Variants in GTPBP4 observed in about 807,000 individuals in gnomAD.
GTPBP4 encodes the protein GTP binding protein 4, also known as GTP-binding protein 4.
GTPBP4 carries 15 observed loss-of-function variants against 81.7 expected under a neutral mutation model. That is an observed-to-expected ratio of 0.18 (90% CI 0.12 to 0.28). GTPBP4 has a LOEUF of 0.28. Ranked by LOEUF, GTPBP4 falls within the 10% of genes least tolerant of loss-of-function variation. The pLI, the probability that GTPBP4 is intolerant of heterozygous loss-of-function variation, is 1.00. For synonymous variants in GTPBP4, 272 were observed against 274.6 expected (o/e 0.99, Z 0.09); for missense variants, 847 against 793.8 (o/e 1.07, Z -0.81).
At chr10:1,000,532 C>T in intron 6 of GTPBP4, 145 bp from the exon 7 acceptor site, 1 of 453,168 alleles carries the variant, frequency 2.2e-6, no homozygotes, top group Non-Finnish European at 3.8e-6. Flanking sequence ...CCACCGCACC[C>T]AGCCCTACTT....
At chr10:1,016,002 G>A in intron 16 of GTPBP4, 106 bp downstream of exon 16, 1 of 1,031,400 alleles carries the variant, frequency 9.7e-7, no homozygotes, top group Non-Finnish European at 1.5e-6. Context: ...ACTATGGCAG[G>A]GGTTGTGTGT....
In GTPBP4 at chr10:1,014,424, A is replaced by G. The variant is rs941993922; in HGVS notation, c.1608+112A>G. 18 of 713,956 alleles carry G rather than the reference A, an allele frequency of 2.5e-5. No individual in the cohort carries two copies. In the Admixed American group the frequency reaches 3.0e-4, roughly 12 times the overall value. 44.2% of individuals were successfully genotyped at this position (713,956 alleles called of 1,614,324 possible). ...GTAATCCCAGCACTTTGGGAGGCCAAGGCGGGCAGATCATGATGTCAGGGG... is the reference window on the plus strand; with the variant it reads ...GTAATCCCAGCACTTTGGGAGGCCAGGGCGGGCAGATCATGATGTCAGGGG... On this transcript the variant is annotated intron_variant, in intron 15 of 16. Transcript: ENST00000360803.
chr10:1,012,379 A>C (rs1243199934), intron 13 of GTPBP4, 86 bp from the exon 14 acceptor site: 1 of 902,622 alleles, frequency 1.1e-6, no homozygotes, highest in Non-Finnish European at 1.7e-6. Context: ...CAGGGAAACA[A>C]AGCTCCCATA....
At chr10:990,918 C>T (rs537180438) in intron 1 of GTPBP4, among the ~76,000 whole-genome samples, 4 of 151,672 alleles carry the variant, frequency 2.6e-5, no homozygotes, top group South Asian at 2.1e-4. Context: ...TCAGGATGTG[C>T]GAACGGCATT....
chr10:997,023 G>C (rs1831548088), intron 4 of GTPBP4, 185 bp from the exon 5 acceptor site: 2 of 572,698 alleles, frequency 3.5e-6, no homozygotes, highest in East Asian at 6.0e-5. Context: ...TTGGGAGATA[G>C]CAATTGAATA....
chr10:1,019,738 C>T lies in GTPBP4; in HGVS notation c.*2511C>T, dbSNP rs1832057564. ...GGGTTCAGAGTGACGTTTTTCCTCA[C>T]AAGCAGAAGGTAACAAATTTCATGC... On this transcript the variant is annotated 3_prime_UTR_variant, in exon 17 of 17. Coordinates refer to ENST00000360803, the MANE Select transcript of GTPBP4 (RefSeq NM_012341.3). 5.6e-6 allele frequency: 9 copies of T among 1,613,990 alleles called. No individual in the cohort carries two copies. The highest frequency in any genetic ancestry group is 6.8e-6 in the Non-Finnish European group (8 of 1,180,016).
At chr10:994,272 G>A (rs780793049) in intron 2 of GTPBP4, among the ~76,000 whole-genome samples, 20 of 151,760 alleles carry the variant, frequency 1.3e-4, no homozygotes, top group Non-Finnish European at 2.4e-4. Flanking sequence ...TTGTTTGTTT[G>A]TTTGTTTGTT....
rs759161851 is a variant in GTPBP4, at chr10:1,012,537, G to A, written c.1417G>A (p.Glu473Lys). Reference protein sequence around the residue: ...AGEYDSVSESEDEEMLEIRQL... With the variant: ...AGEYDSVSESKDEEMLEIRQL... ...AGAGTATGACAGTGTATCTGAGAGT[G>A]AAGACGAAGAGATGCTGGAAATCCG... Residue 473 changes from glutamate to lysine, a missense_variant, in exon 14 of 17, where the codon GAA becomes AAA. This residue lies in a region of GTPBP4 where 600 missense variants were observed against 557.1 expected (regional missense o/e 1.08). Coordinates refer to ENST00000360803, the MANE Select transcript of GTPBP4 (RefSeq NM_012341.3). 3 of 1,612,914 alleles carry A rather than the reference G, an allele frequency of 1.9e-6. No individual in the cohort carries two copies. The highest frequency in any genetic ancestry group is 1.3e-5 in the African/African-American group (1 of 74,922).
intron 6 of GTPBP4, among the ~76,000 whole-genome samples, chr10:1,000,419 A>G (rs1333705924): frequency 6.6e-6 from 1 of 150,836 alleles, no homozygotes; most frequent in African/African-American, 2.4e-5. Flanking sequence ...TTGTACTTTT[A>G]GTAGAGATGG....
At chr10:1,005,495 CA>C (rs1831712420) in intron 8 of GTPBP4, among the ~76,000 whole-genome samples, 1 of 152,106 alleles carries the variant, frequency 6.6e-6, no homozygotes, top group South Asian at 2.1e-4. Flanking sequence ...TTCTGCTCCC[CA>C]GGGTGCCTGT....
intron 8 of GTPBP4, among the ~76,000 whole-genome samples, chr10:1,002,068 C>T (rs922095989): frequency 1.3e-5 from 2 of 152,014 alleles, no homozygotes; most frequent in East Asian, 1.9e-4. Flanking sequence ...GGATTACAGG[C>T]GTGCGCCACC....
chr10:1,007,027 A>G lies in GTPBP4; in HGVS notation c.1012A>G (p.Arg338Gly), dbSNP rs1239672473. The change falls in exon 10 of 17, where the codon AGG (arginine) becomes GGG (glycine). Residue 338 changes from arginine to glycine, a missense_variant. Arg to Gly is a moderately radical substitution (Grantham distance 125, BLOSUM62 -2). Transcript: ENST00000360803. ...VIKVKTEACD[R>G]LLAHRVETKM... is the part of the protein sequence containing the mutation. ...TTTTTTACGTTATTAGGCTTGCGATAGGCTTTTGGCTCATCGAGTGGAAAC... is the reference window on the plus strand; with the variant it reads ...TTTTTTACGTTATTAGGCTTGCGATGGGCTTTTGGCTCATCGAGTGGAAAC... The G allele has an allele frequency of 2.6e-5, 41 of 1,605,452 alleles. No individual in the cohort carries two copies. The highest frequency in any genetic ancestry group is 3.3e-5 in the Non-Finnish European group (39 of 1,172,160).
intron 1 of GTPBP4, among the ~76,000 whole-genome samples, chr10:991,283 A>G (rs992969727): frequency 6.6e-6 from 1 of 152,256 alleles, no homozygotes; most frequent in African/African-American, 2.4e-5. Context: ...CAACCTTTGT[A>G]TGAAATAATA....
At position 995,868 on chromosome 10, in the gene GTPBP4, A is replaced by T; in HGVS notation, c.220-61A>T. Reference sequence around the variant, plus strand: ...GGAGAGGGAAAGAAATTGTTCTTCAAGTGGTAGGGATGAAAAACTGCTGGC... The same window carrying T: ...GGAGAGGGAAAGAAATTGTTCTTCATGTGGTAGGGATGAAAAACTGCTGGC... On this transcript the variant is annotated intron_variant, in intron 2 of 16. Transcript: ENST00000360803. 3.3e-6 allele frequency: 3 copies of T among 920,152 alleles called. No individual in the cohort carries two copies. In the South Asian group the frequency reaches 4.2e-5, roughly 13 times the overall value. The allele number at this position is 920,152 out of a possible 1,614,324, so 57.0% of individuals were successfully genotyped here.
At chr10:1,008,139 G>T in intron 10 of GTPBP4, 1 of 454,404 alleles carries the variant, frequency 2.2e-6, no homozygotes, top group Non-Finnish European at 4.4e-6. Context: ...CTTGCTGGGT[G>T]CAGTGGCTCA....
At position 1,014,298 on chromosome 10, in the gene GTPBP4, G is replaced by T; in HGVS notation, c.1594G>T (p.Asp532Tyr). ...GATGCGTAGTCTTGGTGTTGACATGGACGATAAAGACGATGTGAGTGTGGG... is the reference window on the plus strand; with the variant it reads ...GATGCGTAGTCTTGGTGTTGACATGTACGATAAAGACGATGTGAGTGTGGG... ...KEMRSLGVDMDDKDDAHYAVQ... is the reference protein window; with the variant it reads ...KEMRSLGVDMYDKDDAHYAVQ... Residue 532 changes from aspartate (D) to tyrosine (Y), a missense_variant, in exon 15 of 17, where the codon GAC becomes TAC. Around this residue, in one of 3 missense-constraint regions of GTPBP4, gnomAD observed 600 missense variants for 557.1 expected, o/e 1.08. Coordinates refer to ENST00000360803, the MANE Select transcript of GTPBP4 (RefSeq NM_012341.3). 4 of 1,607,150 alleles carry T rather than the reference G, an allele frequency of 2.5e-6. No homozygotes were observed. The highest frequency in any genetic ancestry group is 3.4e-6 in the Non-Finnish European group (4 of 1,173,896).
intron 10 of GTPBP4, 167 bp from the exon 11 acceptor site, chr10:1,008,791 G>A (rs939022364): frequency 9.1e-6 from 6 of 658,418 alleles, no homozygotes; most frequent in Non-Finnish European, 1.7e-5. Flanking sequence ...ATTGGTCTCG[G>A]TATGAACCCA....
At chr10:1,004,768 C>T (rs12217202) in intron 8 of GTPBP4, among the ~76,000 whole-genome samples, 31,117 of 152,168 alleles carry the variant, frequency 0.2, 3,226 homozygotes, top group East Asian at 0.3. Flanking sequence ...CAGCTGCTCA[C>T]AGCTGGCTTG....
chr10:1,005,734 C>A, intron 8 of GTPBP4, 84 bp from the exon 9 acceptor site: 1 of 772,678 alleles, frequency 1.3e-6, no homozygotes, highest in Non-Finnish European at 2.3e-6. Flanking sequence ...ACATTTGCAG[C>A]CTCCATTTGC....
Sources: allele counts gnomAD v4.1 joint callset (sites outside exome capture counted in the v4.1 genomes callset), GRCh38; gene constraint gnomAD v4.1.1; regional missense constraint gnomAD v4.1.1; transcripts MANE v1.5; gene names NCBI Gene and HGNC (gene_info 2026-07-23, HGNC 2026-07-21).